TRMO: variants seen among roughly 807,000 people sequenced by gnomAD.
TRMO encodes the protein tRNA (adenine(37)-N6)-methyltransferase.
Under a neutral mutation model 37.2 loss-of-function variants are expected in TRMO, and 30 were observed. The observed-to-expected ratio is 0.81, with a 90% CI of 0.60 to 1.09. The LOEUF (loss-of-function observed/expected upper bound fraction) is 1.09, where lower values mean the gene tolerates loss of function less well. Ranked by LOEUF, TRMO falls within the 50% of genes least tolerant of loss-of-function variation. The pLI is 0.00. For missense variants in TRMO, 552 were observed against 549.5 expected (o/e 1.00, Z -0.05); for synonymous variants, 239 against 199.4 (o/e 1.20, Z -1.67).
chr9:97,902,878 A>G (rs985917782), downstream of TRMO, among the ~76,000 whole-genome samples: 13 of 152,242 alleles, frequency 8.5e-5, no homozygotes, highest in African/African-American at 3.1e-4. Flanking sequence ...CACTGGAAGA[A>G]GTTAAATGAA....
intron 4 of TRMO, among the ~76,000 whole-genome samples, chr9:97,909,664 T>G (rs555492459): frequency 6.6e-6 from 1 of 152,320 alleles, no homozygotes; most frequent in African/African-American, 2.4e-5. Flanking sequence ...ATTTGAAGAC[T>G]CTAAGAACTA....
chr9:97,916,129 C>A, intron 2 of TRMO, 35 bp downstream of exon 2: 1 of 1,531,598 alleles, frequency 6.5e-7, no homozygotes, highest in Non-Finnish European at 8.8e-7. Context: ...CAAGTTCTGG[C>A]CCAAAATCCT....
intron 3 of TRMO, chr9:97,913,020 A>G: frequency 1.2e-6 from 1 of 851,084 alleles, no homozygotes; most frequent in South Asian, 1.4e-5. Context: ...TGTTTTCCAT[A>G]TGTGCATGTA....
intron 2 of TRMO, among the ~76,000 whole-genome samples, chr9:97,914,730 T>C (rs191416810): frequency 1.0e-3 from 158 of 152,242 alleles, no homozygotes; most frequent in African/African-American, 3.7e-3. Context: ...CCATGGTATA[T>C]ACTGTTATGT....
chr9:97,919,652 CTT>C (rs1264178741), intron 1 of TRMO, among the ~76,000 whole-genome samples: 1 of 152,176 alleles, frequency 6.6e-6, no homozygotes, highest in Non-Finnish European at 1.5e-5. Context: ...GCCCTTGACT[CTT>C]TGATTTGGGG....
intron 1 of TRMO, among the ~76,000 whole-genome samples, chr9:97,921,565 G>A (rs1826634981): frequency 6.6e-6 from 1 of 151,956 alleles, no homozygotes; most frequent in Admixed American, 6.6e-5. Flanking sequence ...TGGGACTACA[G>A]GAGCCCACCA....
At chr9:97,920,213 G>C (rs1205397086) in intron 1 of TRMO, among the ~76,000 whole-genome samples, 1 of 152,208 alleles carries the variant, frequency 6.6e-6, no homozygotes, top group Non-Finnish European at 1.5e-5. Flanking sequence ...GTCCTCAAGG[G>C]TTTCCAGTAC....
At chr9:97,908,328 T>C (rs7042459) in intron 4 of TRMO, among the ~76,000 whole-genome samples, 100,172 of 150,500 alleles carry the variant, frequency 0.67, 35,353 homozygotes, top group East Asian at 0.93. Context: ...AGGTGAATGG[T>C]GTGAACCCGG....
At chr9:97,905,224 G>C (rs138021256) in intron 4 of TRMO, among the ~76,000 whole-genome samples, 243 of 152,256 alleles carry the variant, frequency 1.6e-3, no homozygotes, top group African/African-American at 5.7e-3. Context: ...AATCATGGTA[G>C]TATTTTTCCT....
At chr9:97,898,123 A>G in the TRMO span, among the ~76,000 whole-genome samples, 20 of 152,322 alleles carry the variant, frequency 1.3e-4, no homozygotes, top group Admixed American at 1.2e-3. Flanking sequence ...CCTCCACTGA[A>G]AAACAGAGAG....
intron 4 of TRMO, among the ~76,000 whole-genome samples, chr9:97,907,238 A>G (rs1825893355): frequency 6.6e-6 from 1 of 152,182 alleles, no homozygotes; most frequent in Admixed American, 6.5e-5. Flanking sequence ...TGTTGGGGCT[A>G]AAACCAGTTC....
intron 1 of TRMO, 118 bp from the exon 2 acceptor site, chr9:97,916,456 A>C (rs1826365835): frequency 1.5e-6 from 1 of 683,824 alleles, no homozygotes; most frequent in Non-Finnish European, 2.5e-6. Context: ...TCGTGCAACT[A>C]TAAAAATGAT....
intron 3 of TRMO, 147 bp from the exon 4 acceptor site, chr9:97,910,763 T>A: frequency 1.1e-6 from 1 of 894,266 alleles, no homozygotes; most frequent in South Asian, 1.7e-5. Context: ...ACACACACCC[T>A]TCTTGCTACC....
intron 1 of TRMO, among the ~76,000 whole-genome samples, chr9:97,921,683 C>T (rs1430902542): frequency 6.6e-6 from 1 of 152,236 alleles, no homozygotes; most frequent in East Asian, 1.9e-4. Flanking sequence ...CTCGGCCTCC[C>T]AAAGTGCTGG....
chr9:97,910,864 TC>T, intron 3 of TRMO: 1 of 587,832 alleles, frequency 1.7e-6, no homozygotes. Flanking sequence ...TTCTGGCTCC[TC>T]CAGACAAAAG....
intron 1 of TRMO, among the ~76,000 whole-genome samples, chr9:97,917,318 C>G (rs141551222): frequency 7.8e-4 from 119 of 152,246 alleles, no homozygotes; most frequent in African/African-American, 2.7e-3. Context: ...CTTATAAGCT[C>G]ATAGTGCTAA....
rs756352211 is a variant in TRMO at position 97,904,980 on chromosome 9, G to A, written c.1079C>T (p.Ala360Val). ...TGCTGACTGAAAATATTTAAATGAC[G>A]CCTGACCAACATCTGCAATGAAAAA... The part of the protein sequence containing the change: ...GQLSSQDVGQ[A>V]SFKYFQSAEE... Residue 360 changes from alanine to valine, a missense_variant, in exon 5 of 5, where the codon GCG (alanine) becomes GTG (valine). Physicochemically the swap from Ala to Val is moderately conservative, Grantham distance 64. Transcript: ENST00000375119. 5.0e-6 allele frequency: 8 copies of A among 1,612,444 alleles called. No individual in the cohort carries two copies. Among genetic ancestry groups the A allele is most frequent in the Admixed American group, 3.3e-5 (2 of 59,976 alleles).
chr9:97,902,672 T>C (rs919800326), downstream of TRMO, among the ~76,000 whole-genome samples: 26 of 152,330 alleles, frequency 1.7e-4, no homozygotes, highest in African/African-American at 6.0e-4. Flanking sequence ...AGTCCTCTTG[T>C]TATAAGGCCG....
At chr9:97,900,317 T>C (rs924035172), downstream of TRMO, among the ~76,000 whole-genome samples, 1 of 152,244 alleles carries the variant, frequency 6.6e-6, no homozygotes, top group African/African-American at 2.4e-5. Context: ...GTGACTTGCC[T>C]GAGGTCACGA....
Sources: allele counts gnomAD v4.1 joint callset (sites outside exome capture counted in the v4.1 genomes callset), GRCh38; gene constraint gnomAD v4.1.1; transcripts MANE v1.5; gene names NCBI Gene and HGNC (gene_info 2026-07-23, HGNC 2026-07-21).